KCNAB2: variants seen among roughly 807,000 people sequenced by gnomAD.
KCNAB2 encodes potassium voltage-gated channel subfamily A regulatory beta subunit 2, also known as voltage-gated potassium channel subunit beta-2.
In KCNAB2, 29 loss-of-function variants were observed where a neutral mutation model predicts 63.6. The observed-to-expected ratio is 0.46, with a 90% CI of 0.34 to 0.62. The LOEUF is 0.62. KCNAB2 is among the 20% of genes least tolerant of loss of function. KCNAB2 has a pLI of 0.01. For missense variants in KCNAB2, 359 were observed against 563.9 expected (o/e 0.64, Z 3.68); for synonymous variants, 222 against 224.2 (o/e 0.99, Z 0.09).
At position 5,997,486 on chromosome 1, in the gene KCNAB2, C is replaced by T. The variant is rs1415441309; in HGVS notation, c.-53+4698C>T. Among the ~76,000 whole-genome samples, 5 of 152,158 alleles carry T rather than the reference C, an allele frequency of 3.3e-5. No individual in the cohort carries two copies. In the East Asian group the frequency reaches 9.6e-4, roughly 29 times the overall value. On this transcript the variant is annotated intron_variant, in intron 1 of 16. Transcript: ENST00000341524. Reference sequence around the variant, plus strand: ...TGCCAGACCCCCACTGCACACCTGCCCACCTGTCTGTCTGATTCCAGCAGC... The same window carrying T: ...TGCCAGACCCCCACTGCACACCTGCTCACCTGTCTGTCTGATTCCAGCAGC...
intron 1 of KCNAB2, among the ~76,000 whole-genome samples, chr1:6,020,656 A>T (rs938770437): frequency 1.3e-5 from 2 of 152,132 alleles, no homozygotes; most frequent in African/African-American, 2.4e-5. Context: ...CATTTTTAAA[A>T]TTTCTATTTT....
rs953287600 is a variant in KCNAB2, at chr1:6,099,679, T to C, written c.*1105T>C. On this transcript the variant is annotated 3_prime_UTR_variant, in exon 16 of 16. Transcript: ENST00000378083. ...GGACCCTTTCAGTAAGGAAGGGTCT[T>C]TGGGGTTTTCTGTGCCCATGACTTG... 1 of 1,324,728 alleles carries C rather than the reference T, an allele frequency of 7.5e-7. No individual in the cohort carries two copies. Among genetic ancestry groups the C allele is most frequent in the African/African-American group, 1.5e-5 (1 of 67,338 alleles). 82.1% of individuals were successfully genotyped at this position (1,324,728 alleles called of 1,614,324 possible).
intron 1 of KCNAB2, among the ~76,000 whole-genome samples, chr1:5,999,053 CT>C (rs1657091551): frequency 6.6e-6 from 1 of 152,384 alleles, no homozygotes; most frequent in Admixed American, 6.5e-5. Flanking sequence ...GCAGCACCCT[CT>C]TTCGTCCGCC....
At position 6,024,776 on chromosome 1, in the gene KCNAB2, A is replaced by T. The variant is rs562176334; in HGVS notation, c.-52-15741A>T. On this transcript the variant is annotated intron_variant, in intron 1 of 16. Coordinates refer to the KCNAB2 transcript ENST00000341524. This position sits in a 1 kb window ranked among gnomAD's most constrained non-coding sequence, Gnocchi z 5.4. Reference sequence around the variant, plus strand: ...GCAGAGGTCACCTGTCCAGAGCCAGAGTTCCATGGGGGGCTCCAGGGCAGG... The same window carrying T: ...GCAGAGGTCACCTGTCCAGAGCCAGTGTTCCATGGGGGGCTCCAGGGCAGG... Among the ~76,000 whole-genome samples, 5 of 152,306 alleles carry T rather than the reference A, an allele frequency of 3.3e-5. No individual in the cohort carries two copies. The South Asian group carries it at 1.0e-3, about 32-fold the overall frequency.
chr1:6,004,994 C>G (rs57154159), intron 1 of KCNAB2, among the ~76,000 whole-genome samples: 8,813 of 59,058 alleles, frequency 0.15, 672 homozygotes, highest in African/African-American at 0.28. Flanking sequence ...AGGCAGAGAT[C>G]TGGGAGCTGA....
At chr1:6,004,303 C>T (rs1657431912) in intron 1 of KCNAB2, among the ~76,000 whole-genome samples, 1 of 151,882 alleles carries the variant, frequency 6.6e-6, no homozygotes, top group African/African-American at 2.4e-5. Context: ...TCAAGTGATC[C>T]TCCCGCCTTG....
intron 1 of KCNAB2, among the ~76,000 whole-genome samples, chr1:6,023,500 G>A (rs994248486): frequency 1.3e-5 from 2 of 152,106 alleles, no homozygotes; most frequent in African/African-American, 4.8e-5. Flanking sequence ...TAATGGCTGC[G>A]AGGTAGTATC....
In KCNAB2 at chr1:6,051,771, G is replaced by T. The variant is rs1661418158; in HGVS notation, c.218+17G>T. 1.3e-6 allele frequency: 2 copies of T among 1,519,436 alleles called. No homozygotes were observed. The highest frequency in any genetic ancestry group is 2.7e-5 in the African/African-American group (2 of 72,822). The allele number at this position is 1,519,436 out of a possible 1,614,324, so 94.1% of individuals were successfully genotyped here. A position where few individuals can be genotyped will look rare whatever the true frequency, so the allele number is the denominator to read the frequency against. Reference sequence around the variant, plus strand: ...GAAGTATCGGTAAGGGCCGGGCAGGGGGGCGGTGGGGTGGGAAGTCTGATT... The same window carrying T: ...GAAGTATCGGTAAGGGCCGGGCAGGTGGGCGGTGGGGTGGGAAGTCTGATT... On this transcript the variant is annotated intron_variant, in intron 2 of 15. Transcript: ENST00000378083.
At chr1:6,059,591 T>G (rs1271856532) in intron 2 of KCNAB2, among the ~76,000 whole-genome samples, 1 of 152,186 alleles carries the variant, frequency 6.6e-6, no homozygotes, top group Non-Finnish European at 1.5e-5. Flanking sequence ...ACCACCCATG[T>G]GCTGGCGCCG....
At chr1:6,066,220 GC>G (rs1435761302) in intron 2 of KCNAB2, among the ~76,000 whole-genome samples, 1 of 152,236 alleles carries the variant, frequency 6.6e-6, no homozygotes, top group African/African-American at 2.4e-5. Context: ...AGCTGTCGGT[GC>G]AGAGCCTCCC....
In KCNAB2 at chr1:6,082,237, A is replaced by G; in HGVS notation, c.343A>G (p.Asn115Asp). 6.2e-7 allele frequency: 1 copy of G among 1,614,010 alleles called. No homozygotes were observed. Among genetic ancestry groups the G allele is most frequent in the Non-Finnish European group, 8.5e-7 (1 of 1,179,882 alleles). Residue 115 changes from asparagine (N) to aspartate (D), a missense_variant, in exon 5 of 16, where the codon AAC becomes GAC. Around this residue, in one of 2 missense-constraint regions of KCNAB2, gnomAD observed 271 missense variants for 476.1 expected, o/e 0.57. Transcript: ENST00000378083. ...LMTLAYDNGINLFDTAEVYAA... is the reference protein window; with the variant it reads ...LMTLAYDNGIDLFDTAEVYAA... ...GACCTTGGCCTATGATAATGGCATC[A>G]ACCTCTTCGATACAGCAGAAGTCTA...
intron 1 of KCNAB2, among the ~76,000 whole-genome samples, chr1:6,027,982 G>A (rs1480130317): frequency 6.6e-6 from 1 of 152,230 alleles, no homozygotes; most frequent in African/African-American, 2.4e-5. Context: ...CCAAAGTCTG[G>A]ATGGAGCTGT....
chr1:6,019,934 G>C (rs1658727234), intron 1 of KCNAB2, among the ~76,000 whole-genome samples: 1 of 152,206 alleles, frequency 6.6e-6, no homozygotes, highest in Non-Finnish European at 1.5e-5. Context: ...AGGCCCAGCA[G>C]GTGAAAGTTA....
intron 2 of KCNAB2, among the ~76,000 whole-genome samples, chr1:6,066,970 C>A (rs1246744076): frequency 6.6e-6 from 1 of 152,258 alleles, no homozygotes; most frequent in Non-Finnish European, 1.5e-5. Context: ...GCCGACCACT[C>A]ATGTCAGGAG....
intron 1 of KCNAB2, among the ~76,000 whole-genome samples, chr1:6,009,807 C>T (rs1225357749): frequency 6.6e-6 from 1 of 152,140 alleles, no homozygotes; most frequent in African/African-American, 2.4e-5. Context: ...AGGTGTTTCC[C>T]ACACTTTAGT....
In KCNAB2 at chr1:6,096,907, A is replaced by G. The variant is rs970092639; in HGVS notation, c.1069+151A>G. ...ATCATCCCCCAGCCAGCCTCGGGTA[A>G]TCGGGCTCTAAGGGGCATGGTTGGG... is the stretch of plus-strand genomic sequence containing the variant. On this transcript the variant is annotated intron_variant, in intron 14 of 15. Coordinates refer to ENST00000378083, the MANE Select transcript of KCNAB2 (RefSeq NM_001199862.2). The surrounding 1 kb of genome is among the most constrained non-coding windows in gnomAD (Gnocchi z 5.9). 27 of 1,137,126 alleles carry G rather than the reference A, an allele frequency of 2.4e-5. No individual in the cohort carries two copies. In the Admixed American group the frequency reaches 5.8e-4, roughly 24 times the overall value. 70.4% of individuals were successfully genotyped at this position (1,137,126 alleles called of 1,614,324 possible).
chr1:6,077,544 C>T (rs112529988), intron 4 of KCNAB2, among the ~76,000 whole-genome samples: 46 of 152,344 alleles, frequency 3.0e-4, no homozygotes, highest in African/African-American at 6.7e-4. Context: ...CCTGCTGATC[C>T]GGCTGTCTGC....
At chr1:6,084,684 CAG>C (rs1300436111) in intron 5 of KCNAB2, among the ~76,000 whole-genome samples, 66 of 152,178 alleles carry the variant, frequency 4.3e-4, no homozygotes, top group African/African-American at 1.5e-3. Flanking sequence ...GGCGTGGTGG[CAG>C]GTGCCTGTAG....
chr1:6,015,025 T>TG (rs1383807608), intron 1 of KCNAB2, among the ~76,000 whole-genome samples: 3 of 125,414 alleles, frequency 2.4e-5, no homozygotes, highest in African/African-American at 9.7e-5. Context: ...CCTTTTTTTT[T>TG]TTTTTTTTTT....
Sources: gnomAD v4.1 joint callset for allele counts (sites outside exome capture counted in the v4.1 genomes callset) on GRCh38, gnomAD v4.1.1 for gene constraint, gnomAD v4.1.1 regional missense constraint, Gnocchi (gnomAD v3.1) non-coding constraint, MANE v1.5 for transcripts, NCBI Gene and HGNC (gene_info 2026-07-23, HGNC 2026-07-21) for gene names.